OPCML: variants seen among roughly 807,000 people sequenced by gnomAD.
The protein encoded by OPCML is opioid-binding protein/cell adhesion molecule.
Under a neutral mutation model 37.8 loss-of-function variants are expected in OPCML, and 13 were observed. The ratio of observed to expected loss-of-function variants is 0.34; its 90% CI spans 0.22 to 0.55. The LOEUF is 0.55. Ranked by LOEUF, OPCML falls within the 20% of genes least tolerant of loss-of-function variation. The probability of loss-of-function intolerance (pLI) is 0.91; values close to 1 mark genes in which losing one functional copy is unlikely to be tolerated. For missense variants in OPCML, 341 were observed against 435.6 expected, an observed-to-expected ratio of 0.78 and a Z score of 1.93; for synonymous variants, 176 against 168.8, an observed-to-expected ratio of 1.04 and a Z score of -0.33.
intron 1 of OPCML, among the ~76,000 whole-genome samples, chr11:133,162,222 A>G (rs527424871): frequency 1.3e-5 from 2 of 152,204 alleles, no homozygotes; most frequent in South Asian, 4.1e-4. Flanking sequence ...AAGAACTCTC[A>G]CTAAAGGGGT....
chr11:133,440,762 T>TTTATATATATATATATATATATATATATA (rs1946347371), intron 1 of OPCML, among the ~76,000 whole-genome samples: 2 of 126,900 alleles, frequency 1.6e-5, no homozygotes, highest in Admixed American at 7.6e-5. Context: ...CCTACAGCAA[T>TTTATATATATATATATATATATATATATA]TATATATATA....
intron 1 of OPCML, among the ~76,000 whole-genome samples, chr11:133,294,244 T>A (rs983697277): frequency 6.6e-6 from 1 of 151,826 alleles, no homozygotes; most frequent in Non-Finnish European, 1.5e-5. Flanking sequence ...GAAATGACTC[T>A]CACACATCTG....
At chr11:133,044,786 C>T (rs1406386678) in intron 1 of OPCML, among the ~76,000 whole-genome samples, 6 of 152,056 alleles carry the variant, frequency 3.9e-5, no homozygotes, top group South Asian at 4.1e-4. Flanking sequence ...CTTGGAAGTC[C>T]GTTCCGTACA....
rs992793871 is a variant in OPCML at position 133,205,972 on chromosome 11, G to T, written c.62-262962C>A. Among the ~76,000 whole-genome samples, 1 of 152,138 alleles carries T rather than the reference G, an allele frequency of 6.6e-6. No homozygotes were observed. Among genetic ancestry groups the T allele is most frequent in the African/African-American group, 2.4e-5 (1 of 41,428 alleles). On this transcript the variant is annotated intron_variant, in intron 1 of 7. Coordinates refer to ENST00000524381, the MANE Select transcript of OPCML (RefSeq NM_001012393.5). This position sits in a 1 kb window ranked among gnomAD's most constrained non-coding sequence, Gnocchi z 4.8. ...TGCACAAGTTATGTATATCCACTTAGCCCCAGCTCCCTGATGGGTGAGATG... is the reference window on the plus strand; with the variant it reads ...TGCACAAGTTATGTATATCCACTTATCCCCAGCTCCCTGATGGGTGAGATG...
intron 1 of OPCML, among the ~76,000 whole-genome samples, chr11:133,241,584 C>G (rs180794265): frequency 6.6e-6 from 1 of 152,238 alleles, no homozygotes. Context: ...CTAAATTCCA[C>G]AATATACCTA....
At chr11:132,547,324 A>G (rs1459477169) in intron 3 of OPCML, among the ~76,000 whole-genome samples, 2 of 152,304 alleles carry the variant, frequency 1.3e-5, no homozygotes, top group Non-Finnish European at 2.9e-5. Context: ...TCAACTATTC[A>G]TTTGTCTATC....
intron 2 of OPCML, among the ~76,000 whole-genome samples, chr11:132,679,675 T>C (rs894055355): frequency 1.3e-5 from 2 of 152,218 alleles, no homozygotes; most frequent in African/African-American, 4.8e-5. Flanking sequence ...ACTGATTGTG[T>C]AGATAGTTGT....
At chr11:133,051,272 G>A (rs555747344) in intron 1 of OPCML, among the ~76,000 whole-genome samples, 6 of 152,240 alleles carry the variant, frequency 3.9e-5, no homozygotes, top group South Asian at 4.1e-4. Flanking sequence ...GGTGTCTAGC[G>A]TCTGTGAAGT....
intron 1 of OPCML, among the ~76,000 whole-genome samples, chr11:133,340,620 G>C (rs868810839): frequency 0.1 from 15,365 of 146,910 alleles, 1,148 homozygotes; most frequent in African/African-American, 0.23. Flanking sequence ...GTGTGTGTGT[G>C]TGTGTGTGTG....
intron 1 of OPCML, among the ~76,000 whole-genome samples, chr11:133,074,604 G>T (rs116135496): frequency 6.6e-6 from 1 of 152,198 alleles, no homozygotes; most frequent in Non-Finnish European, 1.5e-5. Flanking sequence ...GGCCTGGGGA[G>T]AGTAAAGGAT....
rs147720907 is a variant in OPCML at position 133,522,137 on chromosome 11, G to A, written c.61+10127C>T. Among the ~76,000 whole-genome samples, 17 of 152,278 alleles carry A rather than the reference G, an allele frequency of 1.1e-4. No individual in the cohort carries two copies. In the East Asian group the frequency reaches 1.5e-3, roughly 14 times the overall value. The stretch of plus-strand genomic sequence containing the variant: ...TAGTAGCACACAAAATAGTCATGCC[G>A]TACATGTATGTGATTTGTACACTCT... On this transcript the variant is annotated intron_variant, in intron 1 of 7. Coordinates refer to ENST00000524381, the MANE Select transcript of OPCML (RefSeq NM_001012393.5).
At chr11:133,333,094 T>C (rs1374214037) in intron 1 of OPCML, among the ~76,000 whole-genome samples, 3 of 152,180 alleles carry the variant, frequency 2.0e-5, no homozygotes, top group Admixed American at 2.0e-4. Flanking sequence ...AGTCTCGTTT[T>C]GTTACCCGGG....
intron 2 of OPCML, among the ~76,000 whole-genome samples, chr11:132,712,033 G>A (rs150359269): frequency 3.5e-4 from 54 of 152,282 alleles, no homozygotes; most frequent in African/African-American, 1.2e-3. Flanking sequence ...TCTATTGTTT[G>A]TAAAGTGTCT....
chr11:132,518,875 G>T (rs1470109266), intron 4 of OPCML, among the ~76,000 whole-genome samples: 1 of 151,976 alleles, frequency 6.6e-6, no homozygotes, highest in Non-Finnish European at 1.5e-5. Context: ...AATGAATGAG[G>T]GCATAAGAGA....
chr11:132,730,859 A>C (rs1591529183), intron 2 of OPCML, among the ~76,000 whole-genome samples: 1 of 152,312 alleles, frequency 6.6e-6, no homozygotes, highest in East Asian at 1.9e-4. Flanking sequence ...TTGTAGAAGG[A>C]AAATCAGCTG....
intron 4 of OPCML, among the ~76,000 whole-genome samples, chr11:132,474,289 T>C (rs1484986852): frequency 6.6e-6 from 1 of 152,072 alleles, no homozygotes; most frequent in Non-Finnish European, 1.5e-5. Flanking sequence ...CTGTTTATAA[T>C]TTGCAAGGAG....
rs933236421 is a variant in OPCML at position 133,006,055 on chromosome 11, G to T, written c.62-63045C>A. Reference sequence around the variant, plus strand: ...TCGTAGGGAGAGCCATCCTAAGGGCGACCGGGAATGGAGTGTGCTCATAAC... The same window carrying T: ...TCGTAGGGAGAGCCATCCTAAGGGCTACCGGGAATGGAGTGTGCTCATAAC... On this transcript the variant is annotated intron_variant, in intron 1 of 7. Coordinates refer to ENST00000524381, the MANE Select transcript of OPCML (RefSeq NM_001012393.5). 6.1e-6 allele frequency: 6 copies of T among 985,198 alleles called. No homozygotes were observed. The East Asian group carries it at 6.8e-4, about 112-fold the overall frequency. 61.0% of individuals were successfully genotyped at this position (985,198 alleles called of 1,614,324 possible). A position where few individuals can be genotyped will look rare whatever the true frequency, so the allele number is the denominator to read the frequency against.
intron 1 of OPCML, among the ~76,000 whole-genome samples, chr11:133,505,677 A>C (rs1471607186): frequency 5.3e-5 from 8 of 152,192 alleles, no homozygotes; most frequent in Non-Finnish European, 1.2e-4. Context: ...TATAATCGTT[A>C]ACCATAAATA....
At chr11:133,007,001 A>G in intron 1 of OPCML, 1 of 985,464 alleles carries the variant, frequency 1.0e-6, no homozygotes, top group Non-Finnish European at 1.2e-6. Context: ...TAAAGCAATC[A>G]TATTCACTTA....
Sources: gnomAD v4.1 joint callset for allele counts (sites outside exome capture counted in the v4.1 genomes callset) on GRCh38, gnomAD v4.1.1 for gene constraint, Gnocchi (gnomAD v3.1) non-coding constraint, MANE v1.5 for transcripts, NCBI Gene and HGNC (gene_info 2026-07-23, HGNC 2026-07-21) for gene names.